ADGRB3: variants seen among roughly 807,000 people sequenced by gnomAD.
ADGRB3 encodes the protein brain-specific angiogenesis inhibitor 3.
ADGRB3 carries 37 observed loss-of-function variants against 193.4 expected under a neutral mutation model. The ratio of observed to expected loss-of-function variants is 0.19; its 90% CI spans 0.15 to 0.25. The LOEUF is 0.25. Among genes scored for constraint, ADGRB3 ranks in the 10% least tolerant of loss-of-function variants. The pLI, the probability that ADGRB3 is intolerant of heterozygous loss-of-function variation, is 1.00. For synonymous variants in ADGRB3, 690 were observed against 644.2 expected (o/e 1.07, Z -1.08); for missense variants, 1,637 against 1,852.9 (o/e 0.88, Z 2.14).
At chr6:69,164,087 A>AT (rs1018197174) in intron 17 of ADGRB3, among the ~76,000 whole-genome samples, 10 of 151,838 alleles carry the variant, frequency 6.6e-5, no homozygotes, top group African/African-American at 2.4e-4. Flanking sequence ...TTTCTCCAGT[A>AT]TTTTTTTCCC....
chr6:69,382,796 G>A (rs936040976), intron 30 of ADGRB3, 35 bp from the exon 31 acceptor site: 5 of 1,424,088 alleles, frequency 3.5e-6, no homozygotes, highest in Non-Finnish European at 2.9e-6. Context: ...CATACATCAA[G>A]TTGGGGATGA....
chr6:69,325,377 G>T (rs1561988073), intron 21 of ADGRB3, among the ~76,000 whole-genome samples: 1 of 151,928 alleles, frequency 6.6e-6, no homozygotes, highest in Non-Finnish European at 1.5e-5. Flanking sequence ...CACTAGGCAT[G>T]TACTCCCACC....
At chr6:68,829,927 A>G (rs1482462946) in intron 3 of ADGRB3, among the ~76,000 whole-genome samples, 1 of 152,182 alleles carries the variant, frequency 6.6e-6, no homozygotes, top group Non-Finnish European at 1.5e-5. Context: ...AATGATAAAA[A>G]TGAGTGTTTG....
intron 20 of ADGRB3, 134 bp downstream of exon 20, chr6:69,239,360 T>C (rs1334635582): frequency 1.6e-6 from 1 of 612,166 alleles, no homozygotes; most frequent in Non-Finnish European, 2.8e-6. Flanking sequence ...AATTTTGTTA[T>C]TGGTTTATGA....
intron 17 of ADGRB3, among the ~76,000 whole-genome samples, chr6:69,211,812 T>A (rs543234333): frequency 2.7e-4 from 41 of 152,186 alleles, no homozygotes; most frequent in Non-Finnish European, 5.4e-4. Context: ...TATACTGCTA[T>A]CCACTGTTTC....
rs545901630 is a variant in ADGRB3, at chr6:69,051,757, T to C, written c.2333+2411T>C. Among the ~76,000 whole-genome samples the C allele has an allele frequency of 3.6e-4, 55 of 152,354 alleles. 1 individual carries two copies. Among genetic ancestry groups the C allele is most frequent in the Admixed American group, 4.6e-4 (7 of 15,308 alleles). On this transcript the variant is annotated intron_variant, in intron 15 of 31. Coordinates refer to ENST00000370598, the MANE Select transcript of ADGRB3 (RefSeq NM_001704.3). ...TCTTAATGAACAAGGGTGATTCTTT[T>C]TTCTACAGTCACTCAGCAAATATTT...
chr6:69,338,515 T>C (rs984467272), intron 24 of ADGRB3, among the ~76,000 whole-genome samples: 8 of 152,232 alleles, frequency 5.3e-5, no homozygotes, highest in Admixed American at 2.0e-4. Flanking sequence ...TTCACAGATA[T>C]ATATGCCTTC....
chr6:68,896,316 C>A (rs974408216), intron 3 of ADGRB3, among the ~76,000 whole-genome samples: 1 of 152,038 alleles, frequency 6.6e-6, no homozygotes, highest in African/African-American at 2.4e-5. Flanking sequence ...AATGAAAAAT[C>A]CAAAGGACCT....
intron 3 of ADGRB3, among the ~76,000 whole-genome samples, chr6:68,646,227 A>G (rs1768210888): frequency 6.6e-6 from 1 of 152,066 alleles, no homozygotes; most frequent in Non-Finnish European, 1.5e-5. Flanking sequence ...CTGTAATCCC[A>G]GCACTTTGGG....
chr6:68,969,246 T>C (rs148906338), intron 8 of ADGRB3, among the ~76,000 whole-genome samples: 1 of 152,100 alleles, frequency 6.6e-6, no homozygotes, highest in Non-Finnish European at 1.5e-5. Context: ...AACTGAGATA[T>C]TAGGAAAGAG....
At chr6:68,803,230 A>G (rs1381147737) in intron 3 of ADGRB3, among the ~76,000 whole-genome samples, 3 of 152,158 alleles carry the variant, frequency 2.0e-5, no homozygotes, top group African/African-American at 7.2e-5. Context: ...ACAATCCAAG[A>G]GCTGGGCATG....
At chr6:68,946,447 G>A (rs546404577) in intron 6 of ADGRB3, among the ~76,000 whole-genome samples, 14 of 152,238 alleles carry the variant, frequency 9.2e-5, no homozygotes, top group African/African-American at 3.4e-4. Flanking sequence ...CATATGCAAA[G>A]TTGAATGCAC....
intron 17 of ADGRB3, among the ~76,000 whole-genome samples, chr6:69,200,809 A>G (rs1765403842): frequency 6.6e-6 from 1 of 152,078 alleles, no homozygotes; most frequent in South Asian, 2.1e-4. Context: ...CTACATCCCC[A>G]AAGTGGAACT....
chr6:68,938,339 A>T (rs1431263987), intron 5 of ADGRB3, among the ~76,000 whole-genome samples: 1 of 151,650 alleles, frequency 6.6e-6, no homozygotes, highest in African/African-American at 2.4e-5. Flanking sequence ...CAACAGAAGA[A>T]AAACAAGTAG....
intron 3 of ADGRB3, among the ~76,000 whole-genome samples, chr6:68,751,397 G>A (rs1264999152): frequency 6.6e-6 from 1 of 151,956 alleles, no homozygotes; most frequent in Non-Finnish European, 1.5e-5. Context: ...CCACACAGAG[G>A]AAAACAAGTT....
chr6:68,846,893 T>C (rs1768287805), intron 3 of ADGRB3, among the ~76,000 whole-genome samples: 1 of 152,108 alleles, frequency 6.6e-6, no homozygotes, highest in African/African-American at 2.4e-5. Flanking sequence ...GTAGATCCGC[T>C]TGCACCATGC....
intron 24 of ADGRB3, among the ~76,000 whole-genome samples, chr6:69,335,392 G>C (rs898965294): frequency 1.1e-4 from 17 of 151,984 alleles, no homozygotes; most frequent in African/African-American, 3.6e-4. Flanking sequence ...TGTTTTTCTG[G>C]TTCAAAGGCC....
chr6:69,203,728 C>T (rs1209532676), intron 17 of ADGRB3, among the ~76,000 whole-genome samples: 1 of 152,144 alleles, frequency 6.6e-6, no homozygotes, highest in Non-Finnish European at 1.5e-5. Flanking sequence ...TTCTTCTAAA[C>T]TAACAAATAT....
At chr6:68,921,829 A>G (rs1767051824) in intron 3 of ADGRB3, among the ~76,000 whole-genome samples, 1 of 151,996 alleles carries the variant, frequency 6.6e-6, no homozygotes, top group Non-Finnish European at 1.5e-5. Context: ...ATTAAAATTA[A>G]AAAGAGAGAA....
Sources: allele counts gnomAD v4.1 joint callset (sites outside exome capture counted in the v4.1 genomes callset), GRCh38; gene constraint gnomAD v4.1.1; transcripts MANE v1.5; gene names NCBI Gene and HGNC (gene_info 2026-07-23, HGNC 2026-07-21).